Variants in RECQL observed in about 807,000 individuals in gnomAD.
RECQL encodes the protein ATP-dependent DNA helicase Q1.
In RECQL, 73 loss-of-function variants were observed where a neutral mutation model predicts 75.8. The observed-to-expected ratio is 0.96, with a 90% confidence interval of 0.80 to 1.17. The LOEUF is 1.17. Among genes scored for constraint, RECQL ranks in the 50% most tolerant of loss-of-function variants. The pLI is 0.00. For missense variants in RECQL, 699 were observed against 772.1 expected (o/e 0.91, Z 1.12); for synonymous variants, 248 against 254.4 (o/e 0.97, Z 0.24).
At chr12:21,482,742 T>C (rs906127265) in intron 6 of RECQL, among the ~76,000 whole-genome samples, 3 of 152,176 alleles carry the variant, frequency 2.0e-5, no homozygotes, top group Non-Finnish European at 4.4e-5. Flanking sequence ...CAAATCCTAA[T>C]GTGTGAAAAG....
intron 3 of RECQL, among the ~76,000 whole-genome samples, chr12:21,491,210 G>T (rs1943404905): frequency 6.6e-6 from 1 of 152,118 alleles, no homozygotes; most frequent in Non-Finnish European, 1.5e-5. Context: ...TCTAACCTTT[G>T]GCAAGGAGTT....
intron 6 of RECQL, among the ~76,000 whole-genome samples, chr12:21,480,379 A>C (rs886554235): frequency 2.6e-5 from 4 of 152,204 alleles, no homozygotes; most frequent in Non-Finnish European, 5.9e-5. Context: ...AGACCAGTGG[A>C]AGGGAGCTCA....
In RECQL at chr12:21,501,493, G is replaced by C. The variant is rs950029139; in HGVS notation, c.-369C>G. On this transcript the variant is annotated 5_prime_UTR_variant, in exon 1 of 15. Transcript: ENST00000444129. The stretch of plus-strand genomic sequence containing the variant: ...AGCCCGGTCTAACTCTCCGGTGTTT[G>C]ACTGTCCGGTGTCCGACTGTCCTGT... 1.6e-4 allele frequency: 28 copies of C among 173,208 alleles called. No individual in the cohort carries two copies. Among genetic ancestry groups the C allele is most frequent in the African/African-American group, 6.7e-4 (28 of 42,082 alleles). The allele number at this position is 173,208 out of a possible 1,614,324, so 10.7% of individuals were successfully genotyped here.
intron 5 of RECQL, among the ~76,000 whole-genome samples, chr12:21,484,665 G>C (rs1943255411): frequency 6.6e-6 from 1 of 152,074 alleles, no homozygotes; most frequent in Non-Finnish European, 1.5e-5. Flanking sequence ...CAGAAGCAAT[G>C]GGGTTAAGAG....
intron 2 of RECQL, among the ~76,000 whole-genome samples, chr12:21,492,923 T>C (rs1003276082): frequency 1.3e-5 from 2 of 152,214 alleles, no homozygotes; most frequent in African/African-American, 4.8e-5. Flanking sequence ...TTCCAGCTCA[T>C]CCATACCCTC....
In RECQL at chr12:21,471,607, T is replaced by G. The variant is rs750230697; in HGVS notation, c.1488A>C (p.Leu496=). 1.9e-6 allele frequency: 3 copies of G among 1,612,724 alleles called. No homozygotes were observed. In the South Asian group the frequency reaches 3.3e-5, roughly 18 times the overall value. Reference sequence around the variant, plus strand: ...CCTCTGCCTGCTTCAGGATCTTGATTAGATCTCTGCAGTACTCTGTTATGT... The same window carrying G: ...CCTCTGCCTGCTTCAGGATCTTGATGAGATCTCTGCAGTACTCTGTTATGT... ...RKNITEYCRD[L]IKILKQAEEL... Residue 496 remains leucine (L), a synonymous_variant, in exon 13 of 15, where the codon CTA becomes CTC. Transcript: ENST00000444129.
intron 7 of RECQL, among the ~76,000 whole-genome samples, 197 bp from the exon 8 acceptor site, chr12:21,477,189 A>C (rs934445664): frequency 3.3e-5 from 5 of 151,936 alleles, no homozygotes; most frequent in Admixed American, 6.6e-5. Flanking sequence ...TATTTTTTTA[A>C]TTTACCAGAG....
At chr12:21,472,118 C>T (rs575153408) in intron 12 of RECQL, among the ~76,000 whole-genome samples, 1 of 152,028 alleles carries the variant, frequency 6.6e-6, no homozygotes, top group African/African-American at 2.4e-5. Context: ...GTCTAATAAA[C>T]TCATAAATTT....
Position 21,474,893 on chromosome 12 carries a change from C to T in RECQL, c.1303G>A (p.Val435Met), listed in dbSNP as rs546158772. The T allele has an allele frequency of 5.6e-6, 9 of 1,613,230 alleles. No individual in the cohort carries two copies. The African/African-American group carries it at 6.7e-5, about 12-fold the overall frequency. ...RISSMVVMEN[V>M]GQQKLYEMVS... ...ATCTCATAAAGCTTCTGCTGTCCCACATTTTCCATCACCACCATTGAACTT... is the reference window on the plus strand; with the variant it reads ...ATCTCATAAAGCTTCTGCTGTCCCATATTTTCCATCACCACCATTGAACTT... The change falls in exon 11 of 15, where the codon GTG becomes ATG. Residue 435 changes from valine (V) to methionine (M), a missense_variant. By Grantham distance (21) the Val-to-Met change is conservative. Transcript: ENST00000444129.
chr12:21,493,990 AAAG>A (rs1332377169), intron 2 of RECQL, among the ~76,000 whole-genome samples: 2 of 152,220 alleles, frequency 1.3e-5, no homozygotes, highest in Non-Finnish European at 2.9e-5. Flanking sequence ...TTATAAAAGA[AAAG>A]AAGTTTATTT....
rs1943079731 is a variant in RECQL at position 21,475,929 on chromosome 12, A to G, written c.950-105T>C. ...TTGATTAATACAATGCACAGAAGGA[A>G]AAAAAGAATTATGAAAAATTTCAAG... On this transcript the variant is annotated intron_variant, in intron 8 of 14. Transcript: ENST00000444129. 3.2e-6 allele frequency: 3 copies of G among 928,722 alleles called. No individual in the cohort carries two copies. The African/African-American group carries it at 5.0e-5, about 15-fold the overall frequency. 57.5% of individuals were successfully genotyped at this position (928,722 alleles called of 1,614,324 possible). A position where few individuals can be genotyped will look rare whatever the true frequency, so the allele number is the denominator to read the frequency against.
At chr12:21,491,429 T>C (rs1386526264) in intron 3 of RECQL, 90 bp downstream of exon 3, 9 of 1,286,862 alleles carry the variant, frequency 7.0e-6, no homozygotes, top group Non-Finnish European at 7.3e-6. Flanking sequence ...CTAAGCCTAC[T>C]GGAAAGCACT....
At chr12:21,474,763 G>C in intron 11 of RECQL, 78 bp downstream of exon 11, 1 of 1,399,114 alleles carries the variant, frequency 7.1e-7, no homozygotes. Context: ...AATGTATTTA[G>C]TAAGAACTTA....
intron 2 of RECQL, among the ~76,000 whole-genome samples, chr12:21,497,363 T>C (rs1312719811): frequency 6.6e-6 from 1 of 152,224 alleles, no homozygotes; most frequent in Non-Finnish European, 1.5e-5. Flanking sequence ...TTCTGCATGA[T>C]ATATTGTCAC....
Position 21,469,092 on chromosome 12 carries a change from T to C in RECQL, c.*1102A>G, listed in dbSNP as rs1310710405. ...CTTAGCCAAATGTACTCTAGTAGAC[T>C]AGAACCATTCTTTGTGAAATGTCAA... On this transcript the variant is annotated 3_prime_UTR_variant, in exon 15 of 15. Transcript: ENST00000444129. The C allele has an allele frequency of 5.2e-6, 1 of 191,110 alleles. No homozygotes were observed. The highest frequency in any genetic ancestry group is 1.1e-5 in the Non-Finnish European group (1 of 91,912). 11.8% of individuals were successfully genotyped at this position (191,110 alleles called of 1,614,324 possible). A position where few individuals can be genotyped will look rare whatever the true frequency, so the allele number is the denominator to read the frequency against.
intron 6 of RECQL, among the ~76,000 whole-genome samples, chr12:21,479,511 C>A (rs111853518): frequency 0.034 from 5,172 of 152,114 alleles, 125 homozygotes; most frequent in Middle Eastern, 0.058. Context: ...CACCGCCACA[C>A]CTGGCTAATT....
In RECQL at chr12:21,470,193, A is replaced by C. The variant is rs143505576; in HGVS notation, c.*1T>G. 624 of 1,611,560 alleles carry C rather than the reference A, an allele frequency of 3.9e-4. 2 individuals are homozygous for C. In the African/African-American group the frequency reaches 7.3e-3, roughly 19 times the overall value. On this transcript the variant is annotated 3_prime_UTR_variant, in exon 15 of 15. Transcript: ENST00000444129. ...AATTAGAAAATTTAGTAACATTCAT[A>C]TCAGGCATCATCGATTTTTCTTTTC...
At chr12:21,480,168 T>C (rs1370157937) in intron 6 of RECQL, among the ~76,000 whole-genome samples, 3 of 152,104 alleles carry the variant, frequency 2.0e-5, no homozygotes, top group Non-Finnish European at 4.4e-5. Flanking sequence ...GGTAGACAGA[T>C]GGGGGCAGAT....
intron 4 of RECQL, among the ~76,000 whole-genome samples, chr12:21,487,031 C>T (rs1301376533): frequency 6.6e-6 from 1 of 152,056 alleles, no homozygotes; most frequent in Admixed American, 6.6e-5. Context: ...TTTAATGCAG[C>T]TTTAGTAAAG....
Sources: allele counts gnomAD v4.1 joint callset (sites outside exome capture counted in the v4.1 genomes callset), GRCh38; gene constraint gnomAD v4.1.1; transcripts MANE v1.5; gene names NCBI Gene and HGNC (gene_info 2026-07-23, HGNC 2026-07-21).